MICAL2: variants seen among roughly 807,000 people sequenced by gnomAD.
MICAL2 encodes the protein [F-actin]-monooxygenase MICAL2.
Under a neutral mutation model 127.3 loss-of-function variants are expected in MICAL2, and 77 were observed. That is an observed-to-expected ratio of 0.60 (90% CI 0.50 to 0.73). The LOEUF is 0.73. MICAL2 is among the 30% of genes least tolerant of loss of function. The probability of loss-of-function intolerance (pLI) is 0.00; values close to 1 mark genes in which losing one functional copy is unlikely to be tolerated. For missense variants in MICAL2, 1,351 were observed against 1,434.4 expected (o/e 0.94, Z 0.94); for synonymous variants, 570 against 551.1 (o/e 1.03, Z -0.48).
intron 3 of MICAL2, among the ~76,000 whole-genome samples, chr11:12,191,609 A>C (rs562840182): frequency 2.0e-4 from 30 of 152,144 alleles, no homozygotes; most frequent in African/African-American, 7.2e-4. Flanking sequence ...ACAAAGAAAT[A>C]CAAAAAAATT....
rs903603774 is a variant in MICAL2 at position 12,350,076 on chromosome 11, T to C, written c.5615+139T>C. On this transcript the variant is annotated intron_variant, in intron 33 of 34. Coordinates refer to the MICAL2 transcript ENST00000646065. ...GTGATTGAGGCAAATTGATATTTTA[T>C]GTCTTGCATATCATGCTGGCATTAG... 6.3e-6 allele frequency: 4 copies of C among 631,276 alleles called. No homozygotes were observed. In the African/African-American group the frequency reaches 7.3e-5, roughly 12 times the overall value. The allele number at this position is 631,276 out of a possible 1,614,324, so 39.1% of individuals were successfully genotyped here.
intron 2 of MICAL2, among the ~76,000 whole-genome samples, chr11:12,153,635 A>G (rs1251272674): frequency 6.6e-6 from 1 of 152,100 alleles, no homozygotes; most frequent in Non-Finnish European, 1.5e-5. Context: ...ATGGGGTTTC[A>G]CCATATTGGT....
Position 12,255,995 on chromosome 11 carries a change from T to C in MICAL2, c.2955+245T>C, listed in dbSNP as rs551203261. Reference sequence around the variant, plus strand: ...TAGAGATCTTCCTGCTCTCTGTGGCTTTGGAGAACGGCCTGGTAGAAAGGC... The same window carrying C: ...TAGAGATCTTCCTGCTCTCTGTGGCCTTGGAGAACGGCCTGGTAGAAAGGC... On this transcript the variant is annotated intron_variant, in intron 23 of 27. Coordinates refer to ENST00000683283, the MANE Select transcript of MICAL2 (RefSeq NM_001282663.2). 12 of 445,980 alleles carry C rather than the reference T, an allele frequency of 2.7e-5. 1 individual carries two copies. The South Asian group carries it at 4.4e-4, about 16-fold the overall frequency. The allele number at this position is 445,980 out of a possible 1,614,324, so 27.6% of individuals were successfully genotyped here.
rs537827459 is a variant in MICAL2 at position 12,189,862 on chromosome 11, G to A, written c.265-14388G>A. Among the ~76,000 whole-genome samples the A allele has an allele frequency of 4.7e-3, 720 of 152,268 alleles. 1 individual carries two copies. Among genetic ancestry groups the A allele is most frequent in the Non-Finnish European group, 8.2e-3 (557 of 68,020 alleles). On this transcript the variant is annotated intron_variant, in intron 3 of 27. Coordinates refer to ENST00000683283, the MANE Select transcript of MICAL2 (RefSeq NM_001282663.2). The stretch of plus-strand genomic sequence containing the variant: ...CAGCTCCCAGCAGGCTGTGAGGGGA[G>A]GCTTTCCAGAAATTTGCCCTTAAAG...
intron 33 of MICAL2, among the ~76,000 whole-genome samples, chr11:12,351,875 C>G (rs983905331): frequency 1.3e-5 from 2 of 151,700 alleles, no homozygotes; most frequent in African/African-American, 2.4e-5. Context: ...ACTGCAGCCT[C>G]CACCTCCTGG....
intron 23 of MICAL2, 123 bp downstream of exon 23, chr11:12,255,873 G>T: frequency 1.4e-6 from 1 of 711,248 alleles, no homozygotes. Flanking sequence ...GGAACAAGAG[G>T]GGGCTGAGAA....
At chr11:12,165,710 G>A (rs1855426610) in intron 3 of MICAL2, among the ~76,000 whole-genome samples, 1 of 152,222 alleles carries the variant, frequency 6.6e-6, no homozygotes, top group Admixed American at 6.5e-5. Flanking sequence ...GCCACCATAT[G>A]TGCGTGTATA....
rs191847529 is a variant in MICAL2, at chr11:12,232,452, G to A, written c.1996-3725G>A. Reference sequence around the variant, plus strand: ...AAAATTCTGTTACTCTGCCAAGCACGGTGTCTCATGCCTGTAATCCAGCAC... The same window carrying A: ...AAAATTCTGTTACTCTGCCAAGCACAGTGTCTCATGCCTGTAATCCAGCAC... On this transcript the variant is annotated intron_variant, in intron 15 of 27. Transcript: ENST00000683283. Among the ~76,000 whole-genome samples, 565 of 152,296 alleles carry A rather than the reference G, an allele frequency of 3.7e-3. 1 individual carries two copies. The highest frequency in any genetic ancestry group is 0.013 in the African/African-American group (545 of 41,550).
At chr11:12,211,280 C>T (rs1433924077) in intron 6 of MICAL2, among the ~76,000 whole-genome samples, 1 of 152,170 alleles carries the variant, frequency 6.6e-6, no homozygotes, top group Non-Finnish European at 1.5e-5. Context: ...ACTCGGGAGG[C>T]TGAGGCAGGA....
downstream of MICAL2, among the ~76,000 whole-genome samples, chr11:12,361,974 T>C (rs979998888): frequency 6.6e-6 from 1 of 152,240 alleles, no homozygotes; most frequent in South Asian, 2.1e-4. Flanking sequence ...AAGTGTACGA[T>C]TTCATCTACT....
At chr11:12,293,521 A>G (rs1863930101), downstream of MICAL2, 7 of 1,534,840 alleles carry the variant, frequency 4.6e-6, no homozygotes, top group Non-Finnish European at 4.4e-6. Context: ...TAAATGATGA[A>G]AATTTTTAAA....
chr11:12,184,744 T>C (rs775922286), intron 3 of MICAL2, among the ~76,000 whole-genome samples: 5 of 152,010 alleles, frequency 3.3e-5, no homozygotes, highest in Non-Finnish European at 7.4e-5. Flanking sequence ...ACAACAGCAG[T>C]AACTGACCCA....
chr11:12,241,141 A>T lies in MICAL2; in HGVS notation c.2316A>T (p.Pro772=), dbSNP rs778859804. Reference sequence around the variant, plus strand: ...AGCCGGAGGAGGCCACACCCAGCCCATCACCTCCTCTGAAAAGGCAGGTAG... The same window carrying T: ...AGCCGGAGGAGGCCACACCCAGCCCTTCACCTCCTCTGAAAAGGCAGGTAG... The part of the protein sequence containing the change: ...CPKPEEATPS[P]SPPLKRQFPS... Residue 772 remains proline, a synonymous_variant, in exon 18 of 28, where the codon CCA becomes CCT. Coordinates refer to ENST00000683283, the MANE Select transcript of MICAL2 (RefSeq NM_001282663.2). 1 of 1,613,932 alleles carries T rather than the reference A, an allele frequency of 6.2e-7. No individual in the cohort carries two copies. Among genetic ancestry groups the T allele is most frequent in the Non-Finnish European group, 8.5e-7 (1 of 1,179,952 alleles).
chr11:12,279,354 C>G (rs983413054), intron 1 of MICAL2, among the ~76,000 whole-genome samples: 2 of 152,132 alleles, frequency 1.3e-5, no homozygotes, highest in East Asian at 3.9e-4. Flanking sequence ...AAAGCAGGGA[C>G]TGCAGTTGTA....
chr11:12,215,736 C>T (rs1856061977), intron 7 of MICAL2, among the ~76,000 whole-genome samples: 2 of 152,228 alleles, frequency 1.3e-5, no homozygotes, highest in South Asian at 4.1e-4. Flanking sequence ...CCTACCACTG[C>T]ACTCGGGTTT....
At chr11:12,147,049 G>A (rs1452839108) in intron 2 of MICAL2, among the ~76,000 whole-genome samples, 5 of 151,874 alleles carry the variant, frequency 3.3e-5, no homozygotes, top group South Asian at 2.1e-4. Context: ...ATCACATACC[G>A]GGGCCTGTTA....
At chr11:12,250,607 A>G (rs116506850) in intron 22 of MICAL2, among the ~76,000 whole-genome samples, 22 of 152,380 alleles carry the variant, frequency 1.4e-4, no homozygotes, top group African/African-American at 5.3e-4. Context: ...TTGCTGAAAA[A>G]TAATTAGAAT....
intron 1 of MICAL2, among the ~76,000 whole-genome samples, chr11:12,277,947 G>A (rs1395944178): frequency 6.6e-6 from 1 of 152,180 alleles, no homozygotes; most frequent in Non-Finnish European, 1.5e-5. Flanking sequence ...ACAATGGTAA[G>A]TATTTGTGAA....
intron 10 of MICAL2, 96 bp from the exon 11 acceptor site, chr11:12,222,521 C>G: frequency 6.6e-7 from 1 of 1,505,344 alleles, no homozygotes. Flanking sequence ...GTCCAGGAAG[C>G]CCTTGAGCCA....
Sources: gnomAD v4.1 joint callset for allele counts (sites outside exome capture counted in the v4.1 genomes callset) on GRCh38, gnomAD v4.1.1 for gene constraint, MANE v1.5 for transcripts, NCBI Gene and HGNC (gene_info 2026-07-23, HGNC 2026-07-21) for gene names.